The following PDE8B variants were observed in gnomAD, a reference collection of about 807,000 sequenced individuals.
PDE8B encodes the protein phosphodiesterase 8B.
PDE8B carries 26 observed loss-of-function variants against 101.3 expected under a neutral mutation model. The observed-to-expected ratio is 0.26, with a 90% CI of 0.19 to 0.36. PDE8B has a LOEUF of 0.36. Among genes scored for constraint, PDE8B ranks in the 10% least tolerant of loss-of-function variants. The pLI is 1.00. For synonymous variants in PDE8B, 424 were observed against 429.3 expected (o/e 0.99, Z 0.15); for missense variants, 810 against 1,163.1 (o/e 0.70, Z 4.42).
intron 10 of PDE8B, among the ~76,000 whole-genome samples, chr5:77,395,700 G>A (rs1400422789): frequency 6.6e-6 from 1 of 151,942 alleles, no homozygotes; most frequent in Non-Finnish European, 1.5e-5. Context: ...CATCAGTAAC[G>A]AAGTGCCCAC....
At chr5:77,327,065 T>A (rs571580070) in intron 3 of PDE8B, among the ~76,000 whole-genome samples, 112 of 152,360 alleles carry the variant, frequency 7.4e-4, no homozygotes, top group African/African-American at 2.6e-3. Context: ...GATGTACATA[T>A]CTGGCAGTGT....
At chr5:77,415,213 T>A (rs1190706078) in intron 17 of PDE8B, among the ~76,000 whole-genome samples, 1 of 152,120 alleles carries the variant, frequency 6.6e-6, no homozygotes, top group Non-Finnish European at 1.5e-5. Flanking sequence ...GGTGGGTCCA[T>A]CATGAGGTGC....
chr5:77,239,174 A>C (rs1755257768), intron 1 of PDE8B, among the ~76,000 whole-genome samples: 2 of 152,238 alleles, frequency 1.3e-5, no homozygotes, highest in African/African-American at 4.8e-5. Context: ...TATCTTGATT[A>C]AATCTTATGG....
chr5:77,286,027 A>G (rs1765940660), intron 1 of PDE8B, among the ~76,000 whole-genome samples: 1 of 151,880 alleles, frequency 6.6e-6, no homozygotes, highest in South Asian at 2.1e-4. Flanking sequence ...CATAATAGTG[A>G]TATTAAAGTC....
At chr5:77,157,375 G>A in the PDE8B span, among the ~76,000 whole-genome samples, 3 of 152,162 alleles carry the variant, frequency 2.0e-5, no homozygotes, top group South Asian at 4.1e-4. Flanking sequence ...ACCCAGAAGG[G>A]ACAGACATCC....
rs1279516279 is a variant in PDE8B at position 77,413,300 on chromosome 5, A to T, written c.1902A>T (p.Glu634Asp). The change falls in exon 17 of 22, where the codon GAA becomes GAT. Residue 634 changes from glutamate to aspartate, a missense_variant. Physicochemically the swap from Glu to Asp is conservative, Grantham distance 45. Around this residue, in one of 4 missense-constraint regions of PDE8B, gnomAD observed 325 missense variants for 560.9 expected, o/e 0.58. Transcript: ENST00000264917. ...LHATAFFLGK[E>D]RVKGSLDQLD... is the part of the protein sequence containing the mutation. ...CCACCGCTTTCTTTCTTGGAAAGGA[A>T]AGAGTAAAGGTAGGATTTTGATATC... 4 of 1,613,588 alleles carry T rather than the reference A, an allele frequency of 2.5e-6. No individual in the cohort carries two copies. Among genetic ancestry groups the T allele is most frequent in the Non-Finnish European group, 3.4e-6 (4 of 1,179,580 alleles).
chr5:77,233,652 CTCTGTG>C lies in PDE8B; in HGVS notation c.339+22390_339+22395del, dbSNP rs1244360039. 1.8e-3 allele frequency among the ~76,000 whole-genome samples: 228 copies of C among 127,040 alleles called. 1 individual carries two copies. In the East Asian group the frequency reaches 0.029, roughly 16 times the overall value. The allele number at this position is 127,040 out of a possible 152,430, so 83.3% of individuals were successfully genotyped here. A position where few individuals can be genotyped will look rare whatever the true frequency, so the allele number is the denominator to read the frequency against. On this transcript the variant is annotated intron_variant, in intron 1 of 21. Transcript: ENST00000264917. ...CCTGACAGCCCCCAACCCCCTGAAG[CTCTGTG>C]TGTGTGTGTGTGTGTGTGTGTGTGT...
At chr5:77,280,750 AG>A (rs1764808874) in intron 1 of PDE8B, among the ~76,000 whole-genome samples, 1 of 152,174 alleles carries the variant, frequency 6.6e-6, no homozygotes, top group South Asian at 2.1e-4. Flanking sequence ...AAAAAAAATT[AG>A]CTGGGTGTGG....
intron 1 of PDE8B, among the ~76,000 whole-genome samples, chr5:77,233,863 TG>T (rs1754150251): frequency 6.6e-6 from 1 of 151,878 alleles, no homozygotes. Flanking sequence ...AGATAAATAA[TG>T]GAAGCGAGTC....
At chr5:77,224,663 A>G (rs1029471524) in intron 1 of PDE8B, among the ~76,000 whole-genome samples, 1 of 152,248 alleles carries the variant, frequency 6.6e-6, no homozygotes, top group Non-Finnish European at 1.5e-5. Context: ...AAGTTTCCCT[A>G]TCTCATAAAC....
chr5:77,091,307 A>G, the PDE8B span, among the ~76,000 whole-genome samples: 1 of 152,216 alleles, frequency 6.6e-6, no homozygotes, highest in African/African-American at 2.4e-5. Context: ...AAATACATAC[A>G]AATATTTCGT....
intron 1 of PDE8B, among the ~76,000 whole-genome samples, chr5:77,308,725 G>A (rs1420809663): frequency 1.3e-5 from 2 of 152,192 alleles, no homozygotes; most frequent in African/African-American, 4.8e-5. Flanking sequence ...TTACAGGTGT[G>A]AATGCGCCTG....
At chr5:77,251,098 C>T (rs1187544878) in intron 1 of PDE8B, among the ~76,000 whole-genome samples, 1 of 152,192 alleles carries the variant, frequency 6.6e-6, no homozygotes, top group South Asian at 2.1e-4. Flanking sequence ...CTCAACCCTA[C>T]CACTTAGCTG....
chr5:77,272,435 G>A (rs1762984019), intron 1 of PDE8B, among the ~76,000 whole-genome samples: 1 of 152,204 alleles, frequency 6.6e-6, no homozygotes, highest in South Asian at 2.1e-4. Flanking sequence ...CCTCGAACAT[G>A]TCCTGTTATT....
At chr5:77,351,549 A>C (rs1479449263) in intron 9 of PDE8B, among the ~76,000 whole-genome samples, 2 of 152,096 alleles carry the variant, frequency 1.3e-5, no homozygotes, top group Non-Finnish European at 2.9e-5. Flanking sequence ...TGGTTCCTCC[A>C]GGCCGGTTCT....
intron 1 of PDE8B, among the ~76,000 whole-genome samples, chr5:77,255,509 G>A (rs1443180632): frequency 1.3e-5 from 2 of 152,184 alleles, no homozygotes; most frequent in Non-Finnish European, 2.9e-5. Context: ...CATGTGCCAG[G>A]ACCTTGAAGC....
the PDE8B span, among the ~76,000 whole-genome samples, chr5:77,117,339 C>T: frequency 5.3e-5 from 8 of 152,280 alleles, no homozygotes; most frequent in African/African-American, 1.9e-4. Context: ...TGTACTTCCC[C>T]TGGCATTCAG....
intron 1 of PDE8B, chr5:77,291,558 A>G: frequency 6.2e-7 from 1 of 1,600,186 alleles, no homozygotes; most frequent in Non-Finnish European, 8.6e-7. Context: ...TTCAAGTAGC[A>G]ACTTTACCAA....
chr5:77,317,793 A>T (rs1184918690), intron 2 of PDE8B, among the ~76,000 whole-genome samples: 1 of 152,048 alleles, frequency 6.6e-6, no homozygotes, highest in African/African-American at 2.4e-5. Context: ...TTCCAACTGG[A>T]CATGGAAATG....
Sources: gnomAD v4.1 joint callset for allele counts (sites outside exome capture counted in the v4.1 genomes callset) on GRCh38, gnomAD v4.1.1 for gene constraint, gnomAD v4.1.1 regional missense constraint, MANE v1.5 for transcripts, NCBI Gene and HGNC (gene_info 2026-07-23, HGNC 2026-07-21) for gene names.